The following TLK2 variants were observed in gnomAD, a reference collection of about 807,000 sequenced individuals.
TLK2 encodes serine/threonine-protein kinase tousled-like 2.
In TLK2, 6 loss-of-function variants were observed where a neutral mutation model predicts 117.3. The observed-to-expected ratio is 0.05, with a 90% CI of 0.03 to 0.10. The LOEUF (loss-of-function observed/expected upper bound fraction) is 0.10. Among genes scored for constraint, TLK2 ranks in the 10% least tolerant of loss-of-function variants. The probability of loss-of-function intolerance (pLI) is 1.00; values close to 1 mark genes in which losing one functional copy is unlikely to be tolerated. For missense variants in TLK2, 299 were observed against 901.2 expected, an observed-to-expected ratio of 0.33 and a Z score of 8.56; for synonymous variants, 257 against 316.7, an observed-to-expected ratio of 0.81 and a Z score of 2.00.
At chr17:62,604,859 A>T (rs1390524140) in intron 19 of TLK2, among the ~76,000 whole-genome samples, 4 of 150,372 alleles carry the variant, frequency 2.7e-5, no homozygotes, top group Non-Finnish European at 5.9e-5. Flanking sequence ...ATGGAGCGAG[A>T]CTCTGTCTCA....
At chr17:62,508,365 A>C (rs2074889961) in intron 2 of TLK2, 1 of 808,958 alleles carries the variant, frequency 1.2e-6, no homozygotes, top group Non-Finnish European at 1.5e-6. Flanking sequence ...AGAAGCATTT[A>C]ATGTACAAGA....
At position 62,596,502 on chromosome 17, in the gene TLK2, G is replaced by A. The variant is rs1379213523; in HGVS notation, c.1461-83G>A. 1.6e-5 allele frequency: 16 copies of A among 1,012,590 alleles called. No individual in the cohort carries two copies. In the Admixed American group the frequency reaches 2.8e-4, roughly 18 times the overall value. The allele number at this position is 1,012,590 out of a possible 1,614,324, so 62.7% of individuals were successfully genotyped here. A position where few individuals can be genotyped will look rare whatever the true frequency, so the allele number is the denominator to read the frequency against. ...TAACATGTGGAGACAATAGAGAAAT[G>A]ATTGAATATTTAGGAGGATCTTTGA... On this transcript the variant is annotated intron_variant, in intron 16 of 21. Coordinates refer to ENST00000346027, the MANE Select transcript of TLK2 (RefSeq NM_006852.6).
Position 62,580,180 on chromosome 17 carries a change from T to C in TLK2, c.1356T>C (p.Ser452=), listed in dbSNP as rs1329372294. The C allele has an allele frequency of 6.2e-7, 1 of 1,611,476 alleles. No homozygotes were observed. The highest frequency in any genetic ancestry group is 1.7e-5 in the Admixed American group (1 of 59,836). Residue 452 remains serine, a synonymous_variant, in exon 15 of 22, where the codon AGT becomes AGC. Coordinates refer to ENST00000346027, the MANE Select transcript of TLK2 (RefSeq NM_006852.6). The part of the protein sequence containing the change: ...LLHLLGRGGF[S]EVYKAFDLTE... ...ATCTTTTGGGTAGAGGAGGTTTCAG[T>C]GAAGTTTACAAGGTAAGTATAAGGA...
At chr17:62,565,400 A>G (rs777701617) in intron 11 of TLK2, among the ~76,000 whole-genome samples, 2 of 152,208 alleles carry the variant, frequency 1.3e-5, no homozygotes, top group South Asian at 4.1e-4. Context: ...CACGCCTGTA[A>G]TCCCAGCACT....
chr17:62,478,742 A>AC (rs1223323810), upstream of TLK2, among the ~76,000 whole-genome samples: 13 of 18,038 alleles, frequency 7.2e-4, no homozygotes, highest in African/African-American at 1.2e-3. Context: ...CGCTTCCCCC[A>AC]CCCCCCCAGG....
At chr17:62,579,402 G>T (rs1282243837) in intron 14 of TLK2, among the ~76,000 whole-genome samples, 1 of 152,112 alleles carries the variant, frequency 6.6e-6, no homozygotes, top group Non-Finnish European at 1.5e-5. Context: ...GTTCAACTTG[G>T]ATCTTTTTCA....
chr17:62,599,165 T>G (rs555273596), intron 17 of TLK2, among the ~76,000 whole-genome samples: 76 of 152,346 alleles, frequency 5.0e-4, no homozygotes, highest in Middle Eastern at 6.8e-3. Context: ...CAGGCTGGTC[T>G]CAAACTCCTG....
Position 62,600,735 on chromosome 17 carries a change from C to G in TLK2, c.1635C>G (p.Ala545=). The G allele has an allele frequency of 1.1e-5, 17 of 1,613,258 alleles. No individual in the cohort carries two copies. The highest frequency in any genetic ancestry group is 1.4e-5 in the Non-Finnish European group (17 of 1,179,772). ...ACAAATTAATGTCGGAGAAAGAGGC[C>G]CGGTCCATTATCATGCAGATTGTGA... ...KQHKLMSEKE[A]RSIIMQIVNA... is the part of the protein sequence containing the mutation. The change falls in exon 18 of 22, where the codon GCC becomes GCG. Residue 545 remains alanine, a synonymous_variant. Coordinates refer to ENST00000346027, the MANE Select transcript of TLK2 (RefSeq NM_006852.6).
Position 62,525,778 on chromosome 17 carries a change from A to T in TLK2, c.363+1447A>T, listed in dbSNP as rs146364644. Among the ~76,000 whole-genome samples, 156 of 152,244 alleles carry T rather than the reference A, an allele frequency of 1.0e-3. 1 individual carries two copies. The highest frequency in any genetic ancestry group is 3.5e-3 in the African/African-American group (146 of 41,546). The stretch of plus-strand genomic sequence containing the variant: ...CTTGGCCATAGTTTAAAATGTTAGA[A>T]ATGTTTGTTTGATCATAGATCCAAT... On this transcript the variant is annotated intron_variant, in intron 6 of 21. Transcript: ENST00000346027.
chr17:62,611,379 CA>C lies in TLK2; in HGVS notation c.2080-1007del, dbSNP rs561161895. ...TTGTTTATCAAACATGGGGGAAAAC[CA>C]AAAAATCAGTAGCTTGATTCATGTT... On this transcript the variant is annotated intron_variant, in intron 21 of 21. Transcript: ENST00000346027. Among the ~76,000 whole-genome samples the C allele has an allele frequency of 3.2e-4, 48 of 152,104 alleles. 1 individual carries two copies. In the South Asian group the frequency reaches 8.9e-3, roughly 28 times the overall value.
chr17:62,491,743 G>T (rs1238368397), intron 2 of TLK2, among the ~76,000 whole-genome samples: 1 of 152,040 alleles, frequency 6.6e-6, no homozygotes, highest in East Asian at 1.9e-4. Context: ...GTGCCACCAT[G>T]CCCTGCTAAT....
chr17:62,516,398 C>T (rs552794373), intron 2 of TLK2: 38 of 1,587,588 alleles, frequency 2.4e-5, no homozygotes, highest in South Asian at 4.5e-5. Flanking sequence ...GCCCCAGCCT[C>T]GGCTTTCTTG....
intron 7 of TLK2, among the ~76,000 whole-genome samples, chr17:62,544,930 C>G (rs1453480891): frequency 6.6e-6 from 1 of 152,082 alleles, no homozygotes; most frequent in Non-Finnish European, 1.5e-5. Context: ...AAAATTATTC[C>G]TAAGTATTTA....
At chr17:62,496,187 T>C (rs913763635) in intron 2 of TLK2, among the ~76,000 whole-genome samples, 34 of 152,204 alleles carry the variant, frequency 2.2e-4, no homozygotes, top group African/African-American at 7.5e-4. Flanking sequence ...ATATAAACTA[T>C]TGTGCATTTT....
intron 7 of TLK2, among the ~76,000 whole-genome samples, chr17:62,540,785 A>G (rs1425275342): frequency 1.3e-5 from 2 of 151,924 alleles, no homozygotes; most frequent in African/African-American, 4.8e-5. Flanking sequence ...AACTGGACCC[A>G]TTGCTTTGAT....
chr17:62,496,882 G>A (rs1250411763), intron 2 of TLK2, among the ~76,000 whole-genome samples: 17 of 151,322 alleles, frequency 1.1e-4, no homozygotes, highest in African/African-American at 3.9e-4. Context: ...GTGTGAACCC[G>A]GGAGGCAGAA....
intron 2 of TLK2, among the ~76,000 whole-genome samples, chr17:62,488,416 C>T (rs2144616419): frequency 6.6e-6 from 1 of 152,276 alleles, no homozygotes. Flanking sequence ...ACCAAAGTCA[C>T]TTTCATTTTT....
intron 9 of TLK2, among the ~76,000 whole-genome samples, chr17:62,558,616 G>C (rs991645145): frequency 1.3e-5 from 2 of 152,216 alleles, no homozygotes; most frequent in African/African-American, 4.8e-5. Context: ...CTTATGAGTA[G>C]ACTGGGTTTT....
At chr17:62,602,279 C>A in intron 19 of TLK2, 99 bp downstream of exon 19, 1 of 1,289,268 alleles carries the variant, frequency 7.8e-7, no homozygotes. Flanking sequence ...ATCTGCTAGG[C>A]AAAAATGCCA....
Sources: gnomAD v4.1 joint callset for allele counts (sites outside exome capture counted in the v4.1 genomes callset) on GRCh38, gnomAD v4.1.1 for gene constraint, MANE v1.5 for transcripts, NCBI Gene and HGNC (gene_info 2026-07-23, HGNC 2026-07-21) for gene names.